Variants in ST8SIA6 observed in about 807,000 individuals in gnomAD.
ST8SIA6 encodes the protein alpha-2,8-sialyltransferase 8F.
ST8SIA6 carries 39 observed loss-of-function variants against 33.6 expected under a neutral mutation model. The ratio of observed to expected loss-of-function variants is 1.16; its 90% CI spans 0.90 to 1.52. The LOEUF is 1.52. Ranked by LOEUF, ST8SIA6 falls within the 40% of genes most tolerant of loss-of-function variation. The probability of loss-of-function intolerance (pLI) is 0.00; values close to 1 mark genes in which losing one functional copy is unlikely to be tolerated. For missense variants in ST8SIA6, 441 were observed against 443.8 expected (o/e 0.99, Z 0.06); for synonymous variants, 172 against 167.2 (o/e 1.03, Z -0.22).
At chr10:17,338,031 C>CTTTTTT (rs71393003) in intron 4 of ST8SIA6, among the ~76,000 whole-genome samples, 2 of 131,452 alleles carry the variant, frequency 1.5e-5, no homozygotes, top group African/African-American at 2.8e-5. Context: ...AAATACTATT[C>CTTTTTT]TTTTTTTTTT....
At chr10:17,415,688 C>T (rs1467717776) in intron 2 of ST8SIA6, among the ~76,000 whole-genome samples, 1 of 151,990 alleles carries the variant, frequency 6.6e-6, no homozygotes, top group Admixed American at 6.6e-5. Flanking sequence ...GTTTATTTCT[C>T]AGACTCAAAT....
At chr10:17,333,704 T>TAGATATATATAGATATATATATATAG (rs1848392360) in intron 4 of ST8SIA6, among the ~76,000 whole-genome samples, 1 of 30,086 alleles carries the variant, frequency 3.3e-5, no homozygotes, top group African/African-American at 1.5e-4. Context: ...TATATATATA[T>TAGATATATATAGATATATATATATAG]ATATATATAT....
rs1430259333 is a variant in ST8SIA6 at position 17,321,023 on chromosome 10, T to A, written c.1052A>T (p.Glu351Val). The change falls in exon 8 of 8, where the codon GAA (glutamate) becomes GTA (valine). Residue 351 changes from glutamate (E) to valine (V), a missense_variant. Coordinates refer to ENST00000377602, the MANE Select transcript of ST8SIA6 (RefSeq NM_001004470.3). ...ATAGTGATGGCTGACAGGTATGTCT[T>A]CTACAGTTTTAGAGAAGGGCCAGAA... ...YGFWPFSKTVEDIPVSHHYYD... is the reference protein window; with the variant it reads ...YGFWPFSKTVVDIPVSHHYYD... 2 of 1,613,976 alleles carry A rather than the reference T, an allele frequency of 1.2e-6. No homozygotes were observed. The highest frequency in any genetic ancestry group is 2.7e-5 in the African/African-American group (2 of 74,900).
intron 3 of ST8SIA6, among the ~76,000 whole-genome samples, chr10:17,362,859 G>T (rs1838426): frequency 0.18 from 27,311 of 151,744 alleles, 2,791 homozygotes; most frequent in East Asian, 0.51. Context: ...TTACAGGCGC[G>T]CGTCCCCATG....
intron 3 of ST8SIA6, among the ~76,000 whole-genome samples, chr10:17,388,302 T>G (rs1850455957): frequency 6.6e-6 from 1 of 152,214 alleles, no homozygotes. Flanking sequence ...ATCAGCCTGC[T>G]AGGGACACTC....
chr10:17,375,952 C>T (rs1054989644), intron 3 of ST8SIA6, among the ~76,000 whole-genome samples: 7 of 152,188 alleles, frequency 4.6e-5, no homozygotes, highest in Non-Finnish European at 8.8e-5. Flanking sequence ...TTAATACATA[C>T]GTGGCAGAGA....
intron 2 of ST8SIA6, among the ~76,000 whole-genome samples, chr10:17,450,620 C>T (rs11254604): frequency 0.33 from 49,668 of 151,798 alleles, 9,880 homozygotes; most frequent in African/African-American, 0.57. Context: ...TTTGTATCCT[C>T]TAGTAGAGAC....
chr10:17,390,711 G>A (rs1385385894), intron 2 of ST8SIA6, 91 bp from the exon 3 acceptor site: 4 of 1,022,724 alleles, frequency 3.9e-6, no homozygotes, highest in East Asian at 2.6e-5. Flanking sequence ...TTGATAAAGT[G>A]TGTCCAAATG....
chr10:17,399,679 G>A (rs1850962960), intron 2 of ST8SIA6, among the ~76,000 whole-genome samples: 1 of 152,108 alleles, frequency 6.6e-6, no homozygotes, highest in Non-Finnish European at 1.5e-5. Flanking sequence ...CACTTTGGGA[G>A]GCAGAGGTAG....
intron 2 of ST8SIA6, among the ~76,000 whole-genome samples, chr10:17,405,447 T>A (rs1851220197): frequency 6.6e-6 from 1 of 151,678 alleles, no homozygotes. Context: ...TATATGAAAA[T>A]TATCTTTTAA....
At chr10:17,414,051 C>A (rs1424378740) in intron 2 of ST8SIA6, among the ~76,000 whole-genome samples, 6 of 152,138 alleles carry the variant, frequency 3.9e-5, no homozygotes, top group African/African-American at 1.2e-4. Context: ...TCATACACGC[C>A]TCCTATCTTC....
chr10:17,391,278 T>TA, intron 2 of ST8SIA6, among the ~76,000 whole-genome samples: 3 of 152,166 alleles, frequency 2.0e-5, no homozygotes, highest in Admixed American at 2.0e-4. Context: ...TTTATTTATT[T>TA]TTTAGATGGA....
chr10:17,323,373 T>C (rs1245011202), intron 6 of ST8SIA6, among the ~76,000 whole-genome samples: 2 of 150,930 alleles, frequency 1.3e-5, no homozygotes, highest in African/African-American at 4.9e-5. Flanking sequence ...GACATTTCAA[T>C]GTTGTATAAA....
chr10:17,404,614 C>G (rs538090111), intron 2 of ST8SIA6, among the ~76,000 whole-genome samples: 1 of 152,236 alleles, frequency 6.6e-6, no homozygotes, highest in East Asian at 1.9e-4. Context: ...CTCACCATGC[C>G]CTAGGTGATG....
At chr10:17,425,687 G>A (rs998864650) in intron 2 of ST8SIA6, among the ~76,000 whole-genome samples, 2 of 150,464 alleles carry the variant, frequency 1.3e-5, no homozygotes, top group Non-Finnish European at 3.0e-5. Flanking sequence ...AAGAAGGAAG[G>A]AAGGAAAGGT....
chr10:17,444,327 G>C (rs770422303), intron 2 of ST8SIA6, among the ~76,000 whole-genome samples: 1 of 152,138 alleles, frequency 6.6e-6, no homozygotes, highest in Non-Finnish European at 1.5e-5. Context: ...ACGTTGCCTC[G>C]TGAGTCATAA....
At chr10:17,370,275 G>A (rs1361115837) in intron 3 of ST8SIA6, among the ~76,000 whole-genome samples, 2 of 152,124 alleles carry the variant, frequency 1.3e-5, no homozygotes, top group East Asian at 1.9e-4. Context: ...GAGCCACCAC[G>A]CCCTGCCTGA....
At chr10:17,327,443 T>A (rs1848169892) in intron 5 of ST8SIA6, among the ~76,000 whole-genome samples, 1 of 151,942 alleles carries the variant, frequency 6.6e-6, no homozygotes, top group African/African-American at 2.4e-5. Context: ...AAAAATTAGC[T>A]GGGCGTGGTG....
At chr10:17,419,010 A>AG (rs1317632915) in intron 2 of ST8SIA6, among the ~76,000 whole-genome samples, 2 of 150,088 alleles carry the variant, frequency 1.3e-5, no homozygotes, top group Non-Finnish European at 2.9e-5. Flanking sequence ...AAAAAAAAAA[A>AG]AAAAAGAAAA....
Sources: allele counts gnomAD v4.1 joint callset (sites outside exome capture counted in the v4.1 genomes callset), GRCh38; gene constraint gnomAD v4.1.1; transcripts MANE v1.5; gene names NCBI Gene and HGNC (gene_info 2026-07-23, HGNC 2026-07-21).